SHROOM2: variants seen among roughly 807,000 people sequenced by gnomAD.
The protein encoded by SHROOM2 is shroom family member 2.
In SHROOM2, 33 loss-of-function variants were observed where a neutral mutation model predicts 75.9. The observed-to-expected ratio is 0.43, with a 90% CI of 0.33 to 0.58. SHROOM2 has a LOEUF of 0.58. SHROOM2 is among the 20% of genes least tolerant of loss of function. SHROOM2 has a pLI of 0.04. For synonymous variants in SHROOM2, 655 were observed against 663.6 expected, an observed-to-expected ratio of 0.99 and a Z score of 0.20; for missense variants, 1,434 against 1,461.2, an observed-to-expected ratio of 0.98 and a Z score of 0.30.
intron 2 of SHROOM2, among the ~76,000 whole-genome samples, chrX:9,884,718 A>G (rs1173970663): frequency 9.1e-6 from 1 of 110,021 alleles, no homozygotes; most frequent in Non-Finnish European, 1.9e-5. Flanking sequence ...CCTAGCATAT[A>G]AAATTACTCT....
chrX:9,835,163 A>G (rs931991885), intron 1 of SHROOM2, among the ~76,000 whole-genome samples: 2 of 112,880 alleles, frequency 1.8e-5, no homozygotes, highest in African/African-American at 6.4e-5. Context: ...GTGACCTCAT[A>G]TCATTTCAAA....
chrX:9,824,867 G>A (rs190287518), intron 1 of SHROOM2, among the ~76,000 whole-genome samples: 48 of 111,551 alleles, frequency 4.3e-4, no homozygotes, highest in African/African-American at 1.4e-3. Context: ...ACCTGGCAAG[G>A]GTAGGGAGAG....
At chrX:9,942,452 C>T (rs182211721) in intron 8 of SHROOM2, among the ~76,000 whole-genome samples, 4 of 111,997 alleles carry the variant, frequency 3.6e-5, no homozygotes, top group African/African-American at 1.3e-4. Flanking sequence ...CCCACACACA[C>T]CAGTCGCAAG....
chrX:9,795,875 G>A (rs779096958), intron 1 of SHROOM2, among the ~76,000 whole-genome samples: 4 of 110,620 alleles, frequency 3.6e-5, no homozygotes, highest in East Asian at 5.7e-4. Context: ...TCAGCTGGGC[G>A]AGGGTGATCA....
rs776132997 is a variant in SHROOM2 at position 9,837,151 on chromosome X, C to G, written c.166-36501C>G. 8.0e-4 allele frequency among the ~76,000 whole-genome samples: 90 copies of G among 112,537 alleles called. 1 individual carries two copies. In the South Asian group the frequency reaches 0.03, roughly 37 times the overall value. On this transcript the variant is annotated intron_variant, in intron 1 of 9. Coordinates refer to ENST00000380913, the MANE Select transcript of SHROOM2 (RefSeq NM_001649.4). The stretch of plus-strand genomic sequence containing the variant: ...ACGGTCTCATTGCTTTCCCGTGCCA[C>G]CCTGACAAGAGTGGTTCCCACTTTT...
In SHROOM2 at chrX:9,946,930, G is replaced by C; in HGVS notation, c.4844G>C (p.Gly1615Ala). ...TTGGACAGCCTTCAGCCCGAAAGGG[G>C]CAAATAAGAGACCAGTCCCCGGTGG... ...CLLDSLQPERGK is the reference protein window; with the variant it reads ...CLLDSLQPERAK Residue 1615 changes from glycine to alanine, a missense_variant, in exon 10 of 10, where the codon GGC becomes GCC. Around this residue, in one of 3 missense-constraint regions of SHROOM2, gnomAD observed 80 missense variants for 88.4 expected, o/e 0.90. Coordinates refer to ENST00000380913, the MANE Select transcript of SHROOM2 (RefSeq NM_001649.4). The C allele has an allele frequency of 8.4e-7, 1 of 1,193,702 alleles. No individual in the cohort carries two copies. Among genetic ancestry groups the C allele is most frequent in the Non-Finnish European group, 1.1e-6 (1 of 885,735 alleles).
intron 1 of SHROOM2, among the ~76,000 whole-genome samples, chrX:9,860,007 G>A (rs2084094839): frequency 8.9e-6 from 1 of 111,914 alleles, no homozygotes; most frequent in Non-Finnish European, 1.9e-5. Context: ...AGCCATGGGT[G>A]ACCATTTCTA....
chrX:9,789,631 C>T (rs938012594), intron 1 of SHROOM2, among the ~76,000 whole-genome samples: 2 of 110,965 alleles, frequency 1.8e-5, no homozygotes, highest in African/African-American at 6.6e-5. Flanking sequence ...TCTAAAATGT[C>T]ACTAGAGTGG....
intron 6 of SHROOM2, among the ~76,000 whole-genome samples, chrX:9,934,828 C>T (rs1189507838): frequency 1.8e-5 from 2 of 111,273 alleles, no homozygotes; most frequent in Non-Finnish European, 3.8e-5. Context: ...TATTCCCTGT[C>T]GCCCAGGCTG....
At chrX:9,808,411 G>A (rs778902349) in intron 1 of SHROOM2, among the ~76,000 whole-genome samples, 11 of 108,592 alleles carry the variant, frequency 1.0e-4, no homozygotes. Flanking sequence ...GCCAGGTGTG[G>A]TGGTGCACAC....
Position 9,816,045 on chromosome X carries a change from A to G in SHROOM2, c.165+29335A>G, listed in dbSNP as rs747798976. Among the ~76,000 whole-genome samples the G allele has an allele frequency of 2.7e-5, 3 of 112,279 alleles. No homozygotes were observed. The South Asian group carries it at 1.1e-3, about 42-fold the overall frequency. On this transcript the variant is annotated intron_variant, in intron 1 of 9. Transcript: ENST00000380913. ...TTTCATGTCAGTGGGATCGTAGAAT[A>G]TGTGGTCATTTGTGTCTGGTTTATC... is the stretch of plus-strand genomic sequence containing the variant.
At chrX:9,934,621 T>G (rs752921400) in intron 6 of SHROOM2, among the ~76,000 whole-genome samples, 3 of 111,525 alleles carry the variant, frequency 2.7e-5, no homozygotes, top group Non-Finnish European at 5.6e-5. Flanking sequence ...CCCACTGTGT[T>G]CTGTCCTTAT....
At position 9,894,676 on chromosome X, in the gene SHROOM2, C is replaced by T. The variant is rs752363539; in HGVS notation, c.768C>T (p.Gly256=). The change falls in exon 4 of 10, where the codon GGC becomes GGT. Residue 256 remains glycine, a synonymous_variant. Coordinates refer to ENST00000380913, the MANE Select transcript of SHROOM2 (RefSeq NM_001649.4). The stretch of plus-strand genomic sequence containing the variant: ...GTGGCCGGCAGGCCCAGGCCGCAGG[C>T]GACCCTCAGGGCTCGGAGGAGAAGC... ...RQGGRQAQAA[G]DPQGSEEKLS... is the part of the protein sequence containing the mutation. 1.3e-5 allele frequency: 16 copies of T among 1,210,384 alleles called. No individual in the cohort carries two copies. Among genetic ancestry groups the T allele is most frequent in the Middle Eastern group, 2.3e-4 (1 of 4,350 alleles).
chrX:9,905,571 C>T (rs2239418), intron 5 of SHROOM2, among the ~76,000 whole-genome samples: 28,807 of 112,484 alleles, frequency 0.26, 3,109 homozygotes, highest in East Asian at 0.73. Flanking sequence ...GCGGTGACGG[C>T]GCGGGAGCCA....
At chrX:9,818,259 C>A in intron 1 of SHROOM2, 1 of 214,755 alleles carries the variant, frequency 4.7e-6, no homozygotes, top group South Asian at 8.6e-5. Context: ...ATATCAATGT[C>A]ATCATCCTTG....
At chrX:9,893,776 A>AC (rs2084306770) in intron 3 of SHROOM2, among the ~76,000 whole-genome samples, 1 of 109,360 alleles carries the variant, frequency 9.1e-6, no homozygotes, top group Non-Finnish European at 1.9e-5. Context: ...ACATGGTGAA[A>AC]CCCCGTCTCT....
chrX:9,889,984 G>C (rs1023159785), intron 2 of SHROOM2, among the ~76,000 whole-genome samples: 9 of 112,697 alleles, frequency 8.0e-5, no homozygotes, highest in Admixed American at 1.9e-4. Context: ...TATTTATTTA[G>C]AATAAATGTT....
chrX:9,947,080 C>T lies in SHROOM2; in HGVS notation c.*143C>T. 3.2e-6 allele frequency: 2 copies of T among 622,292 alleles called. No homozygotes were observed. The highest frequency in any genetic ancestry group is 3.6e-5 in the East Asian group (1 of 27,642). The allele number at this position is 622,292 out of a possible 1,213,427, so 51.3% of individuals were successfully genotyped here. A position where few individuals can be genotyped will look rare whatever the true frequency, so the allele number is the denominator to read the frequency against. ...AAAGAGGCTGTTATAAAAGCAATAA[C>T]TTTTGTGTTTGTGTGGGATGATTTA... On this transcript the variant is annotated 3_prime_UTR_variant, in exon 10 of 10. Transcript: ENST00000380913.
intron 5 of SHROOM2, among the ~76,000 whole-genome samples, chrX:9,921,223 G>A (rs2084541865): frequency 8.9e-6 from 1 of 112,036 alleles, no homozygotes; most frequent in African/African-American, 3.2e-5. Context: ...AGAGGAAGGA[G>A]GAAGTTGCAA....
Sources: gnomAD v4.1 joint callset for allele counts (sites outside exome capture counted in the v4.1 genomes callset) on GRCh38, gnomAD v4.1.1 for gene constraint, gnomAD v4.1.1 regional missense constraint, MANE v1.5 for transcripts, NCBI Gene and HGNC (gene_info 2026-07-23, HGNC 2026-07-21) for gene names.